CATSPERZ: variants seen among roughly 807,000 people sequenced by gnomAD.
CATSPERZ encodes the protein cation channel sperm-associated auxiliary subunit zeta.
CATSPERZ carries 21 observed loss-of-function variants against 21.7 expected under a neutral mutation model. That is an observed-to-expected ratio of 0.97 (90% CI 0.69 to 1.39). CATSPERZ has a LOEUF of 1.39. Ranked by LOEUF, CATSPERZ falls within the 40% of genes most tolerant of loss-of-function variation. CATSPERZ has a pLI of 0.00. For missense variants in CATSPERZ, 234 were observed against 259.5 expected, an observed-to-expected ratio of 0.90 and a Z score of 0.68; for synonymous variants, 127 against 108.7, an observed-to-expected ratio of 1.17 and a Z score of -1.05.
intron 4 of CATSPERZ, 96 bp downstream of exon 4, chr11:64,303,935 T>C: frequency 8.0e-7 from 1 of 1,248,236 alleles, no homozygotes; most frequent in African/African-American, 1.5e-5. Flanking sequence ...GGGTGCCTTA[T>C]GTCTTGTCAG....
chr11:64,300,554 C>A, intron 1 of CATSPERZ, 103 bp from the exon 2 acceptor site: 1 of 1,513,096 alleles, frequency 6.6e-7, no homozygotes, highest in Non-Finnish European at 8.9e-7. Flanking sequence ...ACCCCACGTT[C>A]TACGGGATCC....
In CATSPERZ at chr11:64,304,583, G is replaced by C. The variant is rs751935028; in HGVS notation, c.540G>C (p.Lys180Asn). Residue 180 changes from lysine (K) to asparagine (N), a missense_variant, in exon 5 of 5, where the codon AAG becomes AAC. By Grantham distance (94) the Lys-to-Asn change is moderately conservative. Coordinates refer to ENST00000328404, the MANE Select transcript of CATSPERZ (RefSeq NM_001039496.2). Reference sequence around the variant, plus strand: ...TCGGCAGGGACCACTTCCTGACTAAGGAGCTGCAGCGATACATCGAAGGGC... The same window carrying C: ...TCGGCAGGGACCACTTCCTGACTAACGAGCTGCAGCGATACATCGAAGGGC... ...LGIGRDHFLT[K>N]ELQRYIEGLK... 1.3e-6 allele frequency: 2 copies of C among 1,587,778 alleles called. No individual in the cohort carries two copies. Among genetic ancestry groups the C allele is most frequent in the African/African-American group, 2.7e-5 (2 of 74,158 alleles).
At chr11:64,303,455 G>A in intron 2 of CATSPERZ, 27 bp from the exon 3 acceptor site, 18 of 1,595,750 alleles carry the variant, frequency 1.1e-5, no homozygotes, top group Non-Finnish European at 1.5e-5. Context: ...GTCTGCGGAT[G>A]ACTAACCCTT....
Position 64,303,532 on chromosome 11 carries a change from C to T in CATSPERZ, c.403C>T (p.Arg135Ter), listed in dbSNP as rs748566589. ...SLNIAKHMPH[R>*]AYWAEQQSRL... ...CAATATTGCGAAGCACATGCCCCATCGAGCCTACTGGGCAGAGCAGCAGAG... is the reference window on the plus strand; with the variant it reads ...CAATATTGCGAAGCACATGCCCCATTGAGCCTACTGGGCAGAGCAGCAGAG... Residue 135 changes from arginine (R) to a stop codon, truncating the protein, a stop_gained, in exon 3 of 5, where the codon CGA becomes TGA. Transcript: ENST00000328404. LOFTEE classifies it high-confidence loss of function. 6.2e-6 allele frequency: 10 copies of T among 1,613,344 alleles called. No homozygotes were observed. Among genetic ancestry groups the T allele is most frequent in the Middle Eastern group, 1.6e-4 (1 of 6,084 alleles).
At position 64,300,780 on chromosome 11, in the gene CATSPERZ, T is replaced by C; in HGVS notation, c.145T>C (p.Cys49Arg). 6.4e-7 allele frequency: 1 copy of C among 1,555,020 alleles called. No homozygotes were observed. The highest frequency in any genetic ancestry group is 8.7e-7 in the Non-Finnish European group (1 of 1,149,734). Reference protein sequence around the residue: ...AQLNMPLSEVCEGFDEEGRNI... With the variant: ...AQLNMPLSEVREGFDEEGRNI... Reference sequence around the variant, plus strand: ...GCTGAACATGCCGCTGTCCGAGGTCTGCGAGGGCTTCGACGAGGAGGGCCG... The same window carrying C: ...GCTGAACATGCCGCTGTCCGAGGTCCGCGAGGGCTTCGACGAGGAGGGCCG... Residue 49 changes from cysteine to arginine, a missense_variant, in exon 2 of 5, where the codon TGC becomes CGC. Transcript: ENST00000328404.
chr11:64,303,626 A>T, intron 3 of CATSPERZ, 65 bp downstream of exon 3: 1 of 1,337,200 alleles, frequency 7.5e-7, no homozygotes, highest in Non-Finnish European at 1.0e-6. Flanking sequence ...GGGGGTTGAT[A>T]GGATATGAAA....
chr11:64,302,219 C>G (rs1301810062), intron 2 of CATSPERZ, among the ~76,000 whole-genome samples: 1 of 152,196 alleles, frequency 6.6e-6, no homozygotes, highest in African/African-American at 2.4e-5. Flanking sequence ...CGGGGCTTCC[C>G]CTGGATTGTC....
In CATSPERZ at chr11:64,300,711, G is replaced by T; in HGVS notation, c.76G>T (p.Asp26Tyr). 1 of 1,549,144 alleles carries T rather than the reference G, an allele frequency of 6.5e-7. No homozygotes were observed. The highest frequency in any genetic ancestry group is 1.2e-5 in the South Asian group (1 of 83,952). Reference protein sequence around the residue: ...QGSDEESVHSDTRDLWTTTTL... With the variant: ...QGSDEESVHSYTRDLWTTTTL... ...CTCGGACGAGGAGAGCGTGCATAGC[G>T]ACACTCGGGACCTGTGGACCACGAC... Residue 26 changes from aspartate to tyrosine, a missense_variant, in exon 2 of 5, where the codon GAC becomes TAC. Coordinates refer to ENST00000328404, the MANE Select transcript of CATSPERZ (RefSeq NM_001039496.2).
Position 64,300,740 on chromosome 11 carries a change from G to T in CATSPERZ, c.105G>T (p.Thr35=), listed in dbSNP as rs2034908985. Residue 35 remains threonine, a synonymous_variant, in exon 2 of 5, where the codon ACG becomes ACT. Transcript: ENST00000328404. ...CTCGGGACCTGTGGACCACGACCAC[G>T]CTGTCCCAGGCACAGCTGAACATGC... The part of the protein sequence containing the change: ...SDTRDLWTTT[T]LSQAQLNMPL... 2 of 1,551,662 alleles carry T rather than the reference G, an allele frequency of 1.3e-6. No homozygotes were observed. Among genetic ancestry groups the T allele is most frequent in the Non-Finnish European group, 1.7e-6 (2 of 1,147,726 alleles).
intron 2 of CATSPERZ, 54 bp from the exon 3 acceptor site, chr11:64,303,428 C>G (rs546331100): frequency 3.6e-5 from 53 of 1,461,968 alleles, no homozygotes. Flanking sequence ...CTCCTGTGCT[C>G]CAGGGAAGGC....
chr11:64,303,733 T>A (rs1003590279), intron 3 of CATSPERZ, 40 bp from the exon 4 acceptor site: 2 of 1,565,352 alleles, frequency 1.3e-6, no homozygotes, highest in African/African-American at 2.7e-5. Context: ...TGGGCAGAGA[T>A]GAAGTACCTG....
chr11:64,301,472 C>T (rs2034926009), intron 2 of CATSPERZ, among the ~76,000 whole-genome samples: 1 of 137,736 alleles, frequency 7.3e-6, no homozygotes, highest in Non-Finnish European at 1.5e-5. Context: ...ATGGCACGAT[C>T]TCTGCTCGCT....
At chr11:64,302,104 G>A (rs1458311823) in intron 2 of CATSPERZ, among the ~76,000 whole-genome samples, 1 of 152,196 alleles carries the variant, frequency 6.6e-6, no homozygotes, top group South Asian at 2.1e-4. Flanking sequence ...CCCCTACTAC[G>A]TGCTGGGCAC....
chr11:64,301,283 T>TCGTC (rs2034921584), intron 2 of CATSPERZ, among the ~76,000 whole-genome samples: 1 of 152,186 alleles, frequency 6.6e-6, no homozygotes, highest in Non-Finnish European at 1.5e-5. Flanking sequence ...TTTTTTTGTT[T>TCGTC]TGTTTGTTTT....
At chr11:64,304,332 C>T (rs1027353316) in intron 4 of CATSPERZ, among the ~76,000 whole-genome samples, 2 of 152,194 alleles carry the variant, frequency 1.3e-5, no homozygotes, top group Non-Finnish European at 2.9e-5. Context: ...GGCCTGCAAC[C>T]TCTTCCCTAG....
chr11:64,301,076 C>G lies in CATSPERZ; in HGVS notation c.352+89C>G. On this transcript the variant is annotated intron_variant, in intron 2 of 4. Transcript: ENST00000328404. Reference sequence around the variant, plus strand: ...TCTGGAGCTGTAAAATGGGGGGAAGCTGATGGGATCCAAGTTTCTAGGATT... The same window carrying G: ...TCTGGAGCTGTAAAATGGGGGGAAGGTGATGGGATCCAAGTTTCTAGGATT... The G allele has an allele frequency of 4.1e-6, 5 of 1,221,994 alleles. No individual in the cohort carries two copies. In the East Asian group the frequency reaches 1.3e-4, roughly 32 times the overall value. 75.7% of individuals were successfully genotyped at this position (1,221,994 alleles called of 1,614,324 possible).
chr11:64,300,606 C>T, intron 1 of CATSPERZ, 51 bp from the exon 2 acceptor site: 1 of 1,514,144 alleles, frequency 6.6e-7, no homozygotes, highest in Non-Finnish European at 8.9e-7. Flanking sequence ...CTCTTCCTTC[C>T]CGCTCCAGCC....
At position 64,300,404 on chromosome 11, in the gene CATSPERZ, C is replaced by A; in HGVS notation, c.-7C>A. 1 of 1,447,890 alleles carries A rather than the reference C, an allele frequency of 6.9e-7. No homozygotes were observed. Among genetic ancestry groups the A allele is most frequent in the African/African-American group, 1.4e-5 (1 of 70,680 alleles). 89.7% of individuals were successfully genotyped at this position (1,447,890 alleles called of 1,614,324 possible). On this transcript the variant is annotated 5_prime_UTR_variant, in exon 1 of 5. Coordinates refer to ENST00000328404, the MANE Select transcript of CATSPERZ (RefSeq NM_001039496.2). ...CCTGTGGCGTCTGGGTCCGTTGGGG[C>A]AGAACCATGGAGGAAAAGCCTTCGA...
chr11:64,303,781 G>T lies in CATSPERZ; in HGVS notation c.441G>T (p.Leu147=). Residue 147 remains leucine, a synonymous_variant, in exon 4 of 5, where the codon CTG becomes CTT. Coordinates refer to ENST00000328404, the MANE Select transcript of CATSPERZ (RefSeq NM_001039496.2). ...TCTTGCTGCTTCTCCAGCTGCCACT[G>T]CCCCTGATGGAACTCATGGAGAATG... ...YWAEQQSRLP[L]PLMELMENEA... is the part of the protein sequence containing the mutation. 6.2e-7 allele frequency: 1 copy of T among 1,600,152 alleles called. No homozygotes were observed. The highest frequency in any genetic ancestry group is 1.7e-5 in the Admixed American group (1 of 57,900).
Sources: allele counts gnomAD v4.1 joint callset (sites outside exome capture counted in the v4.1 genomes callset), GRCh38; gene constraint gnomAD v4.1.1; transcripts MANE v1.5; gene names NCBI Gene and HGNC (gene_info 2026-07-23, HGNC 2026-07-21).